The following RBFOX1 variants were observed in gnomAD, a reference collection of about 807,000 sequenced individuals.
RBFOX1 encodes RNA binding protein fox-1 homolog 1.
A neutral mutation model predicts 57.7 loss-of-function variants in RBFOX1; 8 were observed. That is an observed-to-expected ratio of 0.14 (90% CI 0.08 to 0.25). The LOEUF is 0.25. Among genes scored for constraint, RBFOX1 ranks in the 10% least tolerant of loss-of-function variants. The pLI is 1.00. For missense variants in RBFOX1, 611 were observed against 548.5 expected (o/e 1.11, Z -1.14); for synonymous variants, 326 against 222.4 (o/e 1.47, Z -4.15).
intron 1 of RBFOX1, among the ~76,000 whole-genome samples, chr16:5,439,700 C>G (rs1227456547): frequency 1.3e-5 from 2 of 152,092 alleles, no homozygotes; most frequent in African/African-American, 2.4e-5. Context: ...CCGCCTTGAC[C>G]TCCCAAAGTG....
intron 3 of RBFOX1, among the ~76,000 whole-genome samples, chr16:6,853,100 T>C (rs771475493): frequency 1.3e-5 from 2 of 152,126 alleles, no homozygotes; most frequent in African/African-American, 2.4e-5. Context: ...TATCCCTCCC[T>C]CCATATATAC....
chr16:5,275,984 G>A (rs958946266), intron 1 of RBFOX1, among the ~76,000 whole-genome samples: 3 of 152,180 alleles, frequency 2.0e-5, no homozygotes, highest in Non-Finnish European at 4.4e-5. Flanking sequence ...CAAGCCACAT[G>A]TAAAAGAATA....
chr16:6,942,389 G>T (rs1217184137), intron 3 of RBFOX1, among the ~76,000 whole-genome samples: 4 of 152,062 alleles, frequency 2.6e-5, no homozygotes, highest in South Asian at 2.1e-4. Flanking sequence ...CGAACCCTTG[G>T]GTTCAAACCA....
At chr16:5,954,744 TG>T (rs1385425401) in intron 4 of RBFOX1, among the ~76,000 whole-genome samples, 17 of 152,302 alleles carry the variant, frequency 1.1e-4, no homozygotes, top group African/African-American at 4.1e-4. Context: ...ACCCGGCACT[TG>T]GCCAAATTGC....
At chr16:6,088,853 T>G (rs886326365) in intron 1 of RBFOX1, among the ~76,000 whole-genome samples, 1 of 152,104 alleles carries the variant, frequency 6.6e-6, no homozygotes, top group Non-Finnish European at 1.5e-5. Flanking sequence ...TCCCAGCACT[T>G]TGGGAGACCA....
At chr16:5,821,097 C>A (rs1409653767) in intron 3 of RBFOX1, among the ~76,000 whole-genome samples, 2 of 152,068 alleles carry the variant, frequency 1.3e-5, no homozygotes, top group Non-Finnish European at 2.9e-5. Context: ...CTGCAGCACA[C>A]CCCCATCAGG....
chr16:7,266,275 G>A (rs1371716341), intron 4 of RBFOX1, among the ~76,000 whole-genome samples: 1 of 151,622 alleles, frequency 6.6e-6, no homozygotes, highest in African/African-American at 2.4e-5. Flanking sequence ...GTGCCCGGCC[G>A]GTAGAGATGT....
At chr16:7,504,755 T>TTATA (rs1225848111) in intron 4 of RBFOX1, among the ~76,000 whole-genome samples, 4 of 10,002 alleles carry the variant, frequency 4.0e-4, no homozygotes, top group African/African-American at 2.0e-3. Context: ...ATATATATAT[T>TTATA]TATATATATA....
At chr16:5,812,458 CTTT>C (rs35251301) in intron 3 of RBFOX1, among the ~76,000 whole-genome samples, 5 of 135,502 alleles carry the variant, frequency 3.7e-5, no homozygotes, top group Admixed American at 7.5e-5. Context: ...GTCTTTTTCT[CTTT>C]TTTTTTTTTT....
intron 2 of RBFOX1, among the ~76,000 whole-genome samples, chr16:6,529,363 A>T (rs1289862018): frequency 6.6e-6 from 1 of 152,142 alleles, no homozygotes. Context: ...GGTGGAGACC[A>T]GCCTGACCAA....
At chr16:5,287,610 TG>T (rs1261610299) in intron 1 of RBFOX1, among the ~76,000 whole-genome samples, 1 of 152,206 alleles carries the variant, frequency 6.6e-6, no homozygotes, top group Non-Finnish European at 1.5e-5. Flanking sequence ...TTGGTTAATC[TG>T]GCATGAGCAT....
rs140374272 is a variant in RBFOX1 at position 7,047,504 on chromosome 16, A to G, written c.-15-4553A>G. On this transcript the variant is annotated intron_variant, in intron 3 of 15. Coordinates refer to ENST00000550418, the MANE Select transcript of RBFOX1 (RefSeq NM_018723.4). ...CAGTGTTTTAATTTTAGGCTTTACC[A>G]ATATGACTGTGATATATGTGGTTGT... Among the ~76,000 whole-genome samples the G allele has an allele frequency of 3.5e-3, 536 of 152,238 alleles. 4 individuals are homozygous for G. The highest frequency in any genetic ancestry group is 0.014 in the Middle Eastern group (4 of 294).
chr16:5,464,398 C>T (rs2068890160), intron 1 of RBFOX1, among the ~76,000 whole-genome samples: 1 of 152,154 alleles, frequency 6.6e-6, no homozygotes, highest in African/African-American at 2.4e-5. Context: ...GGAGGAAACG[C>T]CTTAGGAAAA....
intron 3 of RBFOX1, among the ~76,000 whole-genome samples, chr16:6,679,867 A>C (rs571316332): frequency 7.4e-6 from 1 of 134,964 alleles, no homozygotes; most frequent in Admixed American, 7.5e-5. Flanking sequence ...ATAAAGCCAT[A>C]GTTTCTACTT....
intron 1 of RBFOX1, among the ~76,000 whole-genome samples, chr16:5,395,112 T>C (rs758680691): frequency 6.6e-6 from 1 of 152,190 alleles, no homozygotes; most frequent in Non-Finnish European, 1.5e-5. Context: ...TCGTTTTCTT[T>C]AGGTTTCAGC....
chr16:7,604,493 C>T (rs2095202564), intron 9 of RBFOX1, among the ~76,000 whole-genome samples: 1 of 152,162 alleles, frequency 6.6e-6, no homozygotes, highest in Middle Eastern at 3.2e-3. Flanking sequence ...AGGAGAGTAT[C>T]ATTTATTTTC....
At chr16:7,438,028 A>G (rs1281409608) in intron 4 of RBFOX1, among the ~76,000 whole-genome samples, 9 of 152,190 alleles carry the variant, frequency 5.9e-5, no homozygotes, top group East Asian at 1.9e-4. Flanking sequence ...TGTCAGTGCG[A>G]CAGTTGATGT....
At chr16:7,029,801 G>A (rs929444756) in intron 3 of RBFOX1, among the ~76,000 whole-genome samples, 1 of 152,098 alleles carries the variant, frequency 6.6e-6, no homozygotes, top group African/African-American at 2.4e-5. Flanking sequence ...ACATGAATCT[G>A]GACATTATGA....
intron 1 of RBFOX1, among the ~76,000 whole-genome samples, chr16:5,269,393 A>G (rs2062946988): frequency 6.6e-6 from 1 of 152,272 alleles, no homozygotes; most frequent in Non-Finnish European, 1.5e-5. Context: ...AAATGAAAGC[A>G]CAGGTCCACA....
Sources: gnomAD v4.1 joint callset for allele counts (sites outside exome capture counted in the v4.1 genomes callset) on GRCh38, gnomAD v4.1.1 for gene constraint, MANE v1.5 for transcripts, NCBI Gene and HGNC (gene_info 2026-07-23, HGNC 2026-07-21) for gene names.